The following ACVR2B variants were observed in gnomAD, a reference collection of about 807,000 sequenced individuals.
The protein encoded by ACVR2B is activin A receptor type 2B.
A neutral mutation model predicts 65.1 loss-of-function variants in ACVR2B; 18 were observed. That is an observed-to-expected ratio of 0.28 (90% CI 0.19 to 0.41). The LOEUF (loss-of-function observed/expected upper bound fraction) is 0.41. Ranked by LOEUF, ACVR2B falls within the 10% of genes least tolerant of loss-of-function variation. The pLI is 1.00. For synonymous variants in ACVR2B, 298 were observed against 277.7 expected (o/e 1.07, Z -0.73); for missense variants, 482 against 682.7 (o/e 0.71, Z 3.28).
Position 38,454,022 on chromosome 3 carries a change from C to T in ACVR2B, c.-301C>T, listed in dbSNP as rs1709496547. On this transcript the variant is annotated 5_prime_UTR_variant, in exon 1 of 11. Coordinates refer to ENST00000352511, the MANE Select transcript of ACVR2B (RefSeq NM_001106.4). ...CCGGGGCCCGGGCCCAGCCCCGCCGCGCTATGCCTGAGTCGGGCGCGCCCC... is the reference window on the plus strand; with the variant it reads ...CCGGGGCCCGGGCCCAGCCCCGCCGTGCTATGCCTGAGTCGGGCGCGCCCC... 6.9e-6 allele frequency: 1 copy of T among 144,972 alleles called. No individual in the cohort carries two copies. 9.0% of individuals were successfully genotyped at this position (144,972 alleles called of 1,614,324 possible).
At chr3:38,462,449 C>T (rs554467230) in intron 1 of ACVR2B, among the ~76,000 whole-genome samples, 1 of 152,232 alleles carries the variant, frequency 6.6e-6, no homozygotes, top group East Asian at 1.9e-4. Context: ...CAGTCTCTGC[C>T]CACACCCACT....
intron 1 of ACVR2B, among the ~76,000 whole-genome samples, chr3:38,455,637 C>G (rs371501877): frequency 2.0e-5 from 3 of 152,084 alleles, no homozygotes; most frequent in South Asian, 4.1e-4. Context: ...AGCGCGCGCG[C>G]GCGCAGCCTG....
chr3:38,493,041 C>T lies in ACVR2B; in HGVS notation c.*9709C>T, dbSNP rs1559663163. The T allele has an allele frequency of 1.3e-5, 2 of 152,398 alleles. No homozygotes were observed. The highest frequency in any genetic ancestry group is 1.5e-5 in the Non-Finnish European group (1 of 68,016). 9.4% of individuals were successfully genotyped at this position (152,398 alleles called of 1,614,324 possible). A position where few individuals can be genotyped will look rare whatever the true frequency, so the allele number is the denominator to read the frequency against. ...ACCGATGTGAATGTAGTTTTTTCCC[C>T]CTGTGTGAAGAAGCAGTTACACCCC... On this transcript the variant is annotated 3_prime_UTR_variant, in exon 11 of 11. Coordinates refer to ENST00000352511, the MANE Select transcript of ACVR2B (RefSeq NM_001106.4).
intron 1 of ACVR2B, among the ~76,000 whole-genome samples, chr3:38,465,604 A>T (rs1709715097): frequency 6.6e-6 from 1 of 152,184 alleles, no homozygotes; most frequent in African/African-American, 2.4e-5. Context: ...TGGATGATAG[A>T]TCAGAAGAAG....
At chr3:38,466,956 G>C (rs1475491130) in intron 1 of ACVR2B, among the ~76,000 whole-genome samples, 1 of 152,212 alleles carries the variant, frequency 6.6e-6, no homozygotes, top group Non-Finnish European at 1.5e-5. Flanking sequence ...ATGTGTTACT[G>C]AGTTTGAAAT....
chr3:38,477,804 C>T lies in ACVR2B; in HGVS notation c.261-57C>T. On this transcript the variant is annotated intron_variant, in intron 2 of 10. Transcript: ENST00000352511. This position sits in a 1 kb window ranked among gnomAD's most constrained non-coding sequence, Gnocchi z 6.7. ...GTGAGGAGGGGTTGGCAGGGCAGGC[C>T]TGGGGGAGTCTTGCATCCCCCAGGT... The T allele has an allele frequency of 1.3e-6, 2 of 1,561,876 alleles. No individual in the cohort carries two copies. The highest frequency in any genetic ancestry group is 1.8e-6 in the Non-Finnish European group (2 of 1,132,598).
chr3:38,455,520 G>A (rs959460397), intron 1 of ACVR2B, among the ~76,000 whole-genome samples: 2 of 152,188 alleles, frequency 1.3e-5, no homozygotes, highest in African/African-American at 4.8e-5. Context: ...TGCTGCGGGG[G>A]TGGGGATTTG....
chr3:38,454,545 C>G, intron 1 of ACVR2B, 171 bp downstream of exon 1: 1 of 509,090 alleles, frequency 2.0e-6, no homozygotes, highest in Non-Finnish European at 2.9e-6. Context: ...GCCCGGCTCG[C>G]CGAACTTGGG....
chr3:38,472,302 T>C (rs1709832055), intron 1 of ACVR2B, among the ~76,000 whole-genome samples: 1 of 152,118 alleles, frequency 6.6e-6, no homozygotes, highest in African/African-American at 2.4e-5. Flanking sequence ...AGGGACCTGC[T>C]AGGGCTATAA....
chr3:38,484,521 CTT>C lies in ACVR2B; in HGVS notation c.*1191_*1192del, dbSNP rs1421395149. On this transcript the variant is annotated 3_prime_UTR_variant, in exon 11 of 11. Transcript: ENST00000352511. ...CCCGTTCTGTGGCTCGTGGACAAGA[CTT>C]TCTCCAGACCCCTTAAAGTGGTACA... 6.6e-6 allele frequency: 1 copy of C among 152,218 alleles called. No homozygotes were observed. The highest frequency in any genetic ancestry group is 1.5e-5 in the Non-Finnish European group (1 of 68,036). 9.4% of individuals were successfully genotyped at this position (152,218 alleles called of 1,614,324 possible).
In ACVR2B at chr3:38,477,396, C is replaced by CA; in HGVS notation, c.164dup (p.Arg56AlafsTer26). ...TGGAGCGCTGCGAAGGCGAGCAGGACAAGCGGCTGCACTGCTACGCCTCCT... is the reference window on the plus strand; with the variant it reads ...TGGAGCGCTGCGAAGGCGAGCAGGACAAAGCGGCTGCACTGCTACGCCTCCT... On this transcript the variant is annotated frameshift_variant, in exon 2 of 11. Transcript: ENST00000352511. LOFTEE classifies it high-confidence loss of function. The surrounding 1 kb of genome is among the most constrained non-coding windows in gnomAD (Gnocchi z 6.7). 1 of 1,614,180 alleles carries CA rather than the reference C, an allele frequency of 6.2e-7. No individual in the cohort carries two copies. The highest frequency in any genetic ancestry group is 1.1e-5 in the South Asian group (1 of 91,088).
chr3:38,477,163 G>T lies in ACVR2B; in HGVS notation c.53-124G>T. 3.7e-6 allele frequency: 4 copies of T among 1,068,426 alleles called. No individual in the cohort carries two copies. Among genetic ancestry groups the T allele is most frequent in the Non-Finnish European group, 5.6e-6 (4 of 720,680 alleles). 66.2% of individuals were successfully genotyped at this position (1,068,426 alleles called of 1,614,324 possible). ...CGTCCAGGGGTGAGTGCAGGAGGTT[G>T]GTGACCCCAACCCACCACCCGGCCT... On this transcript the variant is annotated intron_variant, in intron 1 of 10. Transcript: ENST00000352511. This position sits in a 1 kb window ranked among gnomAD's most constrained non-coding sequence, Gnocchi z 6.7.
Position 38,489,674 on chromosome 3 carries a change from A to T in ACVR2B, c.*6342A>T, listed in dbSNP as rs1710180159. On this transcript the variant is annotated 3_prime_UTR_variant, in exon 11 of 11. Transcript: ENST00000352511. The stretch of plus-strand genomic sequence containing the variant: ...TTTGTAAGCCTTTGCCATAGGACAT[A>T]GTCATGTGAGAGTGTTTGGGGGAAC... The T allele has an allele frequency of 2.0e-5, 3 of 152,610 alleles. No individual in the cohort carries two copies. Among genetic ancestry groups the T allele is most frequent in the Admixed American group, 2.0e-4 (3 of 15,282 alleles). The allele number at this position is 152,610 out of a possible 1,614,324, so 9.5% of individuals were successfully genotyped here.
At chr3:38,471,467 C>CT (rs1413290956) in intron 1 of ACVR2B, among the ~76,000 whole-genome samples, 4 of 152,118 alleles carry the variant, frequency 2.6e-5, no homozygotes, top group Non-Finnish European at 4.4e-5. Flanking sequence ...TCTTTAGACT[C>CT]TATGACCTAG....
At position 38,490,629 on chromosome 3, in the gene ACVR2B, TTTTTCCC is replaced by T. The variant is rs1710194525; in HGVS notation, c.*7298_*7304del. 6.6e-6 allele frequency: 1 copy of T among 152,592 alleles called. No individual in the cohort carries two copies. Among genetic ancestry groups the T allele is most frequent in the South Asian group, 2.1e-4 (1 of 4,828 alleles). The allele number at this position is 152,592 out of a possible 1,614,324, so 9.5% of individuals were successfully genotyped here. A position where few individuals can be genotyped will look rare whatever the true frequency, so the allele number is the denominator to read the frequency against. Reference sequence around the variant, plus strand: ...TAGTCCCCAACCTCTACCTTTTTCCTTTTTCCCAGCCCTAATTTCTGGATGCACTTCT... The same window carrying T: ...TAGTCCCCAACCTCTACCTTTTTCCTAGCCCTAATTTCTGGATGCACTTCT... On this transcript the variant is annotated 3_prime_UTR_variant, in exon 11 of 11. Coordinates refer to ENST00000352511, the MANE Select transcript of ACVR2B (RefSeq NM_001106.4).
At chr3:38,457,334 C>T (rs1267607924) in intron 1 of ACVR2B, among the ~76,000 whole-genome samples, 3 of 152,232 alleles carry the variant, frequency 2.0e-5, no homozygotes, top group Non-Finnish European at 2.9e-5. Flanking sequence ...TACAGAACAT[C>T]CTCAACTCTA....
Position 38,483,245 on chromosome 3 carries a change from G to A in ACVR2B, c.1452G>A (p.Ser484=), listed in dbSNP as rs56280856. ...AGCGGGTGTCCCTGATTCGGAGGTC[G>A]GTCAACGGCACTACCTCGGACTGTC... ...VEERVSLIRR[S]VNGTTSDCLV... Residue 484 remains serine, a synonymous_variant, in exon 11 of 11, where the codon TCG becomes TCA. Transcript: ENST00000352511. The surrounding 1 kb of genome is among the most constrained non-coding windows in gnomAD (Gnocchi z 4.8). 8.8e-5 allele frequency: 142 copies of A among 1,614,004 alleles called. No homozygotes were observed. In the East Asian group the frequency reaches 1.5e-3, roughly 17 times the overall value.
At chr3:38,462,187 C>G (rs996331930) in intron 1 of ACVR2B, among the ~76,000 whole-genome samples, 1 of 151,850 alleles carries the variant, frequency 6.6e-6, no homozygotes, top group Non-Finnish European at 1.5e-5. Context: ...GAGCGAGACT[C>G]CATCTCAAAA....
In ACVR2B at chr3:38,481,037, C is replaced by T. The variant is rs1222144857; in HGVS notation, c.960-314C>T. The stretch of plus-strand genomic sequence containing the variant: ...TGCATCCCAGGCCAGTGTGCCTGTC[C>T]ACAACCCCTCTGAGAATATATGGGC... On this transcript the variant is annotated intron_variant, in intron 7 of 10. Transcript: ENST00000352511. The surrounding 1 kb of genome is among the most constrained non-coding windows in gnomAD (Gnocchi z 4.7). 6.6e-6 allele frequency among the ~76,000 whole-genome samples: 1 copy of T among 152,312 alleles called. No homozygotes were observed. Among genetic ancestry groups the T allele is most frequent in the East Asian group, 1.9e-4 (1 of 5,170 alleles).
Sources: allele counts gnomAD v4.1 joint callset (sites outside exome capture counted in the v4.1 genomes callset), GRCh38; gene constraint gnomAD v4.1.1; non-coding constraint Gnocchi (gnomAD v3.1); transcripts MANE v1.5; gene names NCBI Gene and HGNC (gene_info 2026-07-23, HGNC 2026-07-21).